The following CBFB variants were observed in gnomAD, a reference collection of about 807,000 sequenced individuals.
CBFB encodes the protein core-binding factor subunit beta.
CBFB carries 9 observed loss-of-function variants against 30.4 expected under a neutral mutation model. The ratio of observed to expected loss-of-function variants is 0.30; its 90% CI spans 0.18 to 0.52. The LOEUF (loss-of-function observed/expected upper bound fraction) is 0.52. Ranked by LOEUF, CBFB falls within the 20% of genes least tolerant of loss-of-function variation. The probability of loss-of-function intolerance (pLI) is 0.97; values close to 1 mark genes in which losing one functional copy is unlikely to be tolerated. For synonymous variants in CBFB, 94 were observed against 84.0 expected (o/e 1.12, Z -0.65); for missense variants, 170 against 244.0 (o/e 0.70, Z 2.02).
rs755470093 is a variant in CBFB, at chr16:67,098,849, T to C, written c.*71T>C. The C allele has an allele frequency of 3.6e-5, 32 of 897,200 alleles. No individual in the cohort carries two copies. Among genetic ancestry groups the C allele is most frequent in the Admixed American group, 2.1e-4 (12 of 56,308 alleles). The allele number at this position is 897,200 out of a possible 1,614,324, so 55.6% of individuals were successfully genotyped here. On this transcript the variant is annotated 3_prime_UTR_variant, in exon 6 of 6. Coordinates refer to ENST00000412916, the MANE Select transcript of CBFB (RefSeq NM_022845.3). The stretch of plus-strand genomic sequence containing the variant: ...GCTTCTAGTTGGCAGAAATAATTGA[T>C]TAAAAGACCAGAAACTGTGATAACT...
intron 3 of CBFB, among the ~76,000 whole-genome samples, chr16:67,044,672 T>C (rs1261416617): frequency 1.3e-5 from 2 of 152,240 alleles, no homozygotes; most frequent in Non-Finnish European, 2.9e-5. Flanking sequence ...TCTATGATTC[T>C]GCTTCTTCTG....
Position 67,092,696 on chromosome 16 carries a change from A to ATTTTTTT in CBFB, c.496-6013_496-6012insTTTTTTT, listed in dbSNP as rs1162307047. Among the ~76,000 whole-genome samples the ATTTTTTT allele has an allele frequency of 4.7e-3, 441 of 94,594 alleles. 5 individuals carry two copies. Among genetic ancestry groups the ATTTTTTT allele is most frequent in the South Asian group, 0.018 (50 of 2,774 alleles). The allele number at this position is 94,594 out of a possible 152,430, so 62.1% of individuals were successfully genotyped here. A position where few individuals can be genotyped will look rare whatever the true frequency, so the allele number is the denominator to read the frequency against. On this transcript the variant is annotated intron_variant, in intron 5 of 5. Transcript: ENST00000412916. ...ACCCAGGCTAGGTTACAGTGGTGCA[A>ATTTTTTT]TCTTTTTTTTTTTTTTTTTTTTTTT...
chr16:67,067,837 T>C (rs1961102139), intron 4 of CBFB, among the ~76,000 whole-genome samples: 1 of 152,194 alleles, frequency 6.6e-6, no homozygotes, highest in Non-Finnish European at 1.5e-5. Context: ...AGCAACAAAA[T>C]GGCAGACCAG....
intron 3 of CBFB, among the ~76,000 whole-genome samples, chr16:67,038,790 T>A (rs573003915): frequency 5.9e-5 from 9 of 151,996 alleles, no homozygotes; most frequent in South Asian, 2.1e-4. Flanking sequence ...AAAAAAAAAA[T>A]TTGTTTTTTG....
intron 3 of CBFB, among the ~76,000 whole-genome samples, chr16:67,043,648 A>G (rs1490147416): frequency 6.6e-6 from 1 of 152,266 alleles, no homozygotes; most frequent in East Asian, 1.9e-4. Context: ...AGACAGTCAT[A>G]ACTATTTTCC....
chr16:67,100,339 T>C lies in CBFB; in HGVS notation c.*1561T>C, dbSNP rs1962183936. 3 of 222,372 alleles carry C rather than the reference T, an allele frequency of 1.3e-5. No homozygotes were observed. Among genetic ancestry groups the C allele is most frequent in the Non-Finnish European group, 9.0e-6 (1 of 111,080 alleles). The allele number at this position is 222,372 out of a possible 1,614,324, so 13.8% of individuals were successfully genotyped here. A position where few individuals can be genotyped will look rare whatever the true frequency, so the allele number is the denominator to read the frequency against. On this transcript the variant is annotated 3_prime_UTR_variant, in exon 6 of 6. Coordinates refer to ENST00000412916, the MANE Select transcript of CBFB (RefSeq NM_022845.3). Reference sequence around the variant, plus strand: ...TTACTTTCATTGTATATAGGTCTTATTTCATAAACAGATATCCTGTATCAA... The same window carrying C: ...TTACTTTCATTGTATATAGGTCTTACTTCATAAACAGATATCCTGTATCAA...
rs1966667037 is a variant in CBFB, at chr16:67,048,269, C to G, written c.282+11514C>G. Reference sequence around the variant, plus strand: ...AACAAACAAATAACAAAAAAAACCCCTAAAACATTTTTTATTTTCCTTAAA... The same window carrying G: ...AACAAACAAATAACAAAAAAAACCCGTAAAACATTTTTTATTTTCCTTAAA... On this transcript the variant is annotated intron_variant, in intron 3 of 5. Transcript: ENST00000412916. Among the ~76,000 whole-genome samples the G allele has an allele frequency of 5.3e-5, 8 of 151,998 alleles. No individual in the cohort carries two copies. The South Asian group carries it at 1.7e-3, about 32-fold the overall frequency.
chr16:67,029,758 A>T lies in CBFB; in HGVS notation c.110A>T (p.His37Leu), dbSNP rs958703447. 1.3e-6 allele frequency: 2 copies of T among 1,596,606 alleles called. No homozygotes were observed. Among genetic ancestry groups the T allele is most frequent in the Non-Finnish European group, 1.7e-6 (2 of 1,173,234 alleles). The change falls in exon 2 of 6, where the codon CAC becomes CTC. Residue 37 changes from histidine to leucine, a missense_variant. Physicochemically the swap from His to Leu is moderately conservative, Grantham distance 99. Coordinates refer to ENST00000412916, the MANE Select transcript of CBFB (RefSeq NM_022845.3). ...TACACGGGCTTCAGGGACCGGCCCC[A>T]CGAGGAACGCCAGGCACGCTTCCAG... ...IKYTGFRDRPHEERQARFQNA... is the reference protein window; with the variant it reads ...IKYTGFRDRPLEERQARFQNA...
chr16:67,076,688 GT>G (rs1402868899), intron 4 of CBFB, among the ~76,000 whole-genome samples: 4 of 152,058 alleles, frequency 2.6e-5, no homozygotes, highest in Non-Finnish European at 4.4e-5. Context: ...GCCACACTTG[GT>G]TTTTTAATAT....
At chr16:67,090,129 T>TG (rs1461924279) in intron 5 of CBFB, among the ~76,000 whole-genome samples, 1 of 152,190 alleles carries the variant, frequency 6.6e-6, no homozygotes, top group Non-Finnish European at 1.5e-5. Flanking sequence ...TACCAGTTAC[T>TG]GTGGGGATTG....
intron 3 of CBFB, among the ~76,000 whole-genome samples, chr16:67,049,848 T>A (rs1197172983): frequency 6.6e-6 from 1 of 152,098 alleles, no homozygotes; most frequent in Non-Finnish European, 1.5e-5. Context: ...TATCACTAAT[T>A]CTCCTAATAC....
intron 5 of CBFB, among the ~76,000 whole-genome samples, chr16:67,097,157 G>A (rs369613432): frequency 2.0e-5 from 3 of 152,040 alleles, no homozygotes; most frequent in Admixed American, 6.6e-5. Flanking sequence ...CGCTTGAGCC[G>A]GGGAGGCAGA....
At chr16:67,085,659 C>A (rs546240232) in intron 5 of CBFB, among the ~76,000 whole-genome samples, 1 of 148,910 alleles carries the variant, frequency 6.7e-6, no homozygotes, top group Non-Finnish European at 1.5e-5. Flanking sequence ...TGCACCCAGC[C>A]TAAAATTTAG....
intron 2 of CBFB, among the ~76,000 whole-genome samples, chr16:67,034,604 CAT>C (rs1358332774): frequency 2.0e-5 from 3 of 152,074 alleles, no homozygotes; most frequent in Admixed American, 1.3e-4. Context: ...AGATAATGGA[CAT>C]ATAGTGATGA....
At chr16:67,035,229 G>A (rs567514039) in intron 2 of CBFB, among the ~76,000 whole-genome samples, 4 of 152,072 alleles carry the variant, frequency 2.6e-5, no homozygotes, top group Admixed American at 2.0e-4. Flanking sequence ...GATTACAGGC[G>A]TCTGCCACCA....
intron 3 of CBFB, among the ~76,000 whole-genome samples, chr16:67,060,482 A>G (rs1249208331): frequency 1.3e-5 from 2 of 152,118 alleles, no homozygotes; most frequent in African/African-American, 2.4e-5. Context: ...CCTGGCAACT[A>G]CTTATCTCCT....
chr16:67,035,455 C>T (rs2145711351), intron 2 of CBFB, among the ~76,000 whole-genome samples: 1 of 152,236 alleles, frequency 6.6e-6, no homozygotes, highest in South Asian at 2.1e-4. Flanking sequence ...ACATTTACCA[C>T]ATGAAAATGG....
chr16:67,054,144 T>C (rs1960645074), intron 3 of CBFB, among the ~76,000 whole-genome samples: 1 of 152,124 alleles, frequency 6.6e-6, no homozygotes, highest in South Asian at 2.1e-4. Context: ...TTTTTTTCTT[T>C]TTGTTTCTTT....
intron 3 of CBFB, among the ~76,000 whole-genome samples, chr16:67,038,746 A>G (rs1287002112): frequency 6.6e-6 from 1 of 151,982 alleles, no homozygotes; most frequent in Non-Finnish European, 1.5e-5. Context: ...TTTGTTTAAC[A>G]TGGTAGCTCA....
Sources: gnomAD v4.1 joint callset for allele counts (sites outside exome capture counted in the v4.1 genomes callset) on GRCh38, gnomAD v4.1.1 for gene constraint, MANE v1.5 for transcripts, NCBI Gene and HGNC (gene_info 2026-07-23, HGNC 2026-07-21) for gene names.